The following SCTR variants were observed in gnomAD, a reference collection of about 807,000 sequenced individuals.
SCTR encodes secretin receptor.
SCTR carries 56 observed loss-of-function variants against 60.8 expected under a neutral mutation model. The ratio of observed to expected loss-of-function variants is 0.92; its 90% CI spans 0.74 to 1.15. SCTR has a LOEUF of 1.15. Ranked by LOEUF, SCTR falls within the 50% of genes most tolerant of loss-of-function variation. The probability of loss-of-function intolerance (pLI) is 0.00; values close to 1 mark genes in which losing one functional copy is unlikely to be tolerated. For synonymous variants in SCTR, 202 were observed against 217.0 expected (o/e 0.93, Z 0.61); for missense variants, 562 against 550.4 (o/e 1.02, Z -0.21).
intron 2 of SCTR, among the ~76,000 whole-genome samples, chr2:119,485,424 A>G (rs551559533): frequency 1.3e-5 from 2 of 152,278 alleles, no homozygotes; most frequent in East Asian, 3.9e-4. Context: ...GAGAGAGGGG[A>G]AAGGGCCATC....
At chr2:119,486,944 A>G (rs949910130) in intron 2 of SCTR, 3 of 152,234 alleles carry the variant, frequency 2.0e-5, no homozygotes, top group Non-Finnish European at 4.4e-5. Context: ...AGGAGCTAGG[A>G]ATGTTAGAGA....
At position 119,465,790 on chromosome 2, in the gene SCTR, G is replaced by A. The variant is rs772673847; in HGVS notation, c.502C>T (p.Arg168Trp). The stretch of plus-strand genomic sequence containing the variant: ...GGAGAGCTGGCAGTGTGTTCTCACC[G>A]GAAAGCACAGAGGATGCCAAGGGCG... ...LVALGILCAF[R>W]RLHCTRNYIH... Residue 168 changes from arginine to tryptophan, a missense_variant and splice_region_variant, in exon 5 of 13, where the codon CGG becomes TGG. Transcript: ENST00000019103. 3.2e-5 allele frequency: 51 copies of A among 1,606,830 alleles called. No homozygotes were observed. The highest frequency in any genetic ancestry group is 9.4e-5 in the African/African-American group (7 of 74,834).
chr2:119,456,545 G>C (rs780850280), intron 7 of SCTR, among the ~76,000 whole-genome samples: 9 of 152,118 alleles, frequency 5.9e-5, no homozygotes, highest in Non-Finnish European at 1.0e-4. Flanking sequence ...AAGGAAACAG[G>C]ATTTGTGGAA....
chr2:119,458,306 GA>G (rs111894328), intron 7 of SCTR, among the ~76,000 whole-genome samples: 360 of 84,688 alleles, frequency 4.3e-3, no homozygotes, highest in Middle Eastern at 0.011. Flanking sequence ...ACCCTATCTT[GA>G]AAAAAAAAAA....
At chr2:119,460,824 T>C (rs772512591) in intron 7 of SCTR, among the ~76,000 whole-genome samples, 2 of 152,332 alleles carry the variant, frequency 1.3e-5, no homozygotes, top group South Asian at 2.1e-4. Context: ...TAGGAAGTCA[T>C]GTGGTTTGAG....
At chr2:119,451,890 G>A in intron 9 of SCTR, 120 bp downstream of exon 9, 1 of 669,560 alleles carries the variant, frequency 1.5e-6, no homozygotes, top group East Asian at 2.7e-5. Context: ...CACAAACACT[G>A]TGGTTTATCC....
intron 2 of SCTR, among the ~76,000 whole-genome samples, chr2:119,487,741 C>T (rs1677934250): frequency 6.6e-6 from 1 of 152,226 alleles, no homozygotes; most frequent in Non-Finnish European, 1.5e-5. Flanking sequence ...CCACCTAACC[C>T]GGAATGGCTG....
chr2:119,454,798 G>A (rs1683309937), intron 7 of SCTR, among the ~76,000 whole-genome samples: 1 of 151,440 alleles, frequency 6.6e-6, no homozygotes, highest in African/African-American at 2.4e-5. Flanking sequence ...AGGTTGCAGT[G>A]AGTCAAGATT....
intron 8 of SCTR, 106 bp from the exon 9 acceptor site, chr2:119,452,185 T>C (rs1683199304): frequency 1.4e-6 from 1 of 697,840 alleles, no homozygotes; most frequent in Non-Finnish European, 2.6e-6. Context: ...AGGACCTGTG[T>C]TTGTGGCACT....
rs771770834 is a variant in SCTR at position 119,513,798 on chromosome 2, T to C, written c.72+10357A>G. Among the ~76,000 whole-genome samples, 37 of 152,216 alleles carry C rather than the reference T, an allele frequency of 2.4e-4. 1 individual carries two copies. Among genetic ancestry groups the C allele is most frequent in the Non-Finnish European group, 5.1e-4 (35 of 68,030 alleles). On this transcript the variant is annotated intron_variant, in intron 1 of 12. Transcript: ENST00000019103. ...TTGCCTACTGTCTTCTCTGGGGTGT[T>C]CTTCAAGGAGCCCTTTGATTTTCTG...
intron 1 of SCTR, among the ~76,000 whole-genome samples, chr2:119,508,574 G>A (rs1678833811): frequency 6.6e-6 from 1 of 151,502 alleles, no homozygotes; most frequent in African/African-American, 2.4e-5. Flanking sequence ...TTTTGGTAGA[G>A]ACAAGGTTTT....
intron 1 of SCTR, among the ~76,000 whole-genome samples, chr2:119,494,825 G>C (rs1398778233): frequency 1.3e-5 from 2 of 152,198 alleles, no homozygotes; most frequent in Non-Finnish European, 2.9e-5. Context: ...CCAACAAGCT[G>C]TTTGCTTTCT....
intron 1 of SCTR, among the ~76,000 whole-genome samples, chr2:119,495,300 C>A (rs2104903892): frequency 6.6e-6 from 1 of 152,316 alleles, no homozygotes; most frequent in African/African-American, 2.4e-5. Flanking sequence ...GTACACTTAA[C>A]CATCTTCTTG....
At chr2:119,519,747 AGT>A (rs1189860948) in intron 1 of SCTR, among the ~76,000 whole-genome samples, 1 of 137,248 alleles carries the variant, frequency 7.3e-6, no homozygotes, top group Non-Finnish European at 1.5e-5. Context: ...CGGAGGTTGC[AGT>A]GAGCCAAGAT....
At chr2:119,450,806 C>CA (rs967969031) in intron 9 of SCTR, among the ~76,000 whole-genome samples, 1 of 152,036 alleles carries the variant, frequency 6.6e-6, no homozygotes, top group African/African-American at 2.4e-5. Flanking sequence ...CTCATCTCTA[C>CA]AAAAAATTAG....
intron 1 of SCTR, among the ~76,000 whole-genome samples, chr2:119,504,506 A>G (rs2579601): frequency 0.41 from 62,724 of 151,892 alleles, 13,644 homozygotes; most frequent in East Asian, 0.88. Flanking sequence ...CAGGAGAATC[A>G]CTTGAATCCA....
At chr2:119,523,911 G>A (rs1679369605) in intron 1 of SCTR, among the ~76,000 whole-genome samples, 1 of 152,198 alleles carries the variant, frequency 6.6e-6, no homozygotes, top group African/African-American at 2.4e-5. Flanking sequence ...GGGGTCGGTG[G>A]TGGGCACAGG....
rs1013168461 is a variant in SCTR, at chr2:119,462,117, G to T, written c.637-117C>A. The T allele has an allele frequency of 4.2e-6, 4 of 955,960 alleles. No individual in the cohort carries two copies. The Admixed American group carries it at 1.2e-4, about 30-fold the overall frequency. The allele number at this position is 955,960 out of a possible 1,614,324, so 59.2% of individuals were successfully genotyped here. ...GGCAGGAGCCAGGCCACAAGAGCGG[G>T]CCTCTGGGGTTCAAGGCCATCTTCT... On this transcript the variant is annotated intron_variant, in intron 6 of 12. Transcript: ENST00000019103.
chr2:119,512,550 C>T (rs1393172714), intron 1 of SCTR, among the ~76,000 whole-genome samples: 1 of 147,566 alleles, frequency 6.8e-6, no homozygotes, highest in Non-Finnish European at 1.5e-5. Context: ...GTGCGTGCCA[C>T]CAAGCCCAGC....
Sources: allele counts gnomAD v4.1 joint callset (sites outside exome capture counted in the v4.1 genomes callset), GRCh38; gene constraint gnomAD v4.1.1; transcripts MANE v1.5; gene names NCBI Gene and HGNC (gene_info 2026-07-23, HGNC 2026-07-21).